CABIN1: variants seen among roughly 807,000 people sequenced by gnomAD.
CABIN1 encodes the protein calcineurin-binding protein cabin-1.
In CABIN1, 133 loss-of-function variants were observed where a neutral mutation model predicts 227.7. The observed-to-expected ratio is 0.58, with a 90% CI of 0.51 to 0.67. CABIN1 has a LOEUF of 0.67. CABIN1 is among the 30% of genes least tolerant of loss of function. The pLI, the probability that CABIN1 is intolerant of heterozygous loss-of-function variation, is 0.00. For missense variants in CABIN1, 2,408 were observed against 2,852.5 expected (o/e 0.84, Z 3.55); for synonymous variants, 1,086 against 1,155.1 (o/e 0.94, Z 1.21).
chr22:24,070,258 A>G (rs2039991854), intron 16 of CABIN1, among the ~76,000 whole-genome samples: 3 of 152,236 alleles, frequency 2.0e-5, no homozygotes, highest in Admixed American at 1.3e-4. Context: ...CTGAGGCTCA[A>G]ATGGCTTACA....
chr22:24,165,478 TGTG>T, intron 30 of CABIN1, 49 bp from the exon 31 acceptor site: 1 of 1,473,630 alleles, frequency 6.8e-7, no homozygotes, highest in Non-Finnish European at 9.4e-7. Context: ...AGCAGTGCCA[TGTG>T]GTGTCAGATG....
At chr22:24,134,557 C>T (rs566735744) in intron 29 of CABIN1, 142 bp downstream of exon 29, 7 of 703,416 alleles carry the variant, frequency 1.0e-5, no homozygotes, top group East Asian at 5.6e-5. Context: ...GTGGTACAGT[C>T]GAGAGTGAGC....
intron 15 of CABIN1, among the ~76,000 whole-genome samples, chr22:24,065,255 G>A (rs1439504421): frequency 2.0e-5 from 3 of 151,476 alleles, no homozygotes; most frequent in Non-Finnish European, 2.9e-5. Flanking sequence ...CAGACGGGGC[G>A]GCTGCCAGGC....
At chr22:24,036,797 T>C (rs2036930142) in intron 3 of CABIN1, among the ~76,000 whole-genome samples, 1 of 152,060 alleles carries the variant, frequency 6.6e-6, no homozygotes, top group Non-Finnish European at 1.5e-5. Context: ...CATTTTATGG[T>C]AGAAATCAGG....
At chr22:24,066,723 T>A (rs1025234906) in intron 15 of CABIN1, among the ~76,000 whole-genome samples, 1 of 152,232 alleles carries the variant, frequency 6.6e-6, no homozygotes, top group Non-Finnish European at 1.5e-5. Context: ...TTCCTGGAAC[T>A]CCTCTGCTTC....
intron 27 of CABIN1, among the ~76,000 whole-genome samples, chr22:24,114,334 C>T (rs1190592670): frequency 1.3e-5 from 2 of 152,130 alleles, no homozygotes; most frequent in African/African-American, 4.8e-5. Flanking sequence ...TGGGGCTTTC[C>T]TGGCCCCACT....
intron 26 of CABIN1, 183 bp downstream of exon 26, chr22:24,098,375 C>A: frequency 7.4e-7 from 1 of 1,343,914 alleles, no homozygotes; most frequent in African/African-American, 1.4e-5. Context: ...GCTTCCGAGA[C>A]ATGCTCAGGG....
intron 6 of CABIN1, among the ~76,000 whole-genome samples, chr22:24,046,486 A>G (rs966861276): frequency 6.6e-6 from 1 of 152,028 alleles, no homozygotes; most frequent in African/African-American, 2.4e-5. Context: ...CTCCTCCCAC[A>G]GTTTGGGACC....
Position 24,177,945 on chromosome 22 carries a change from C to A in CABIN1, c.6520-108C>A. ...GTGAGGATGGCATAGGGGCCTGGGG[C>A]AGGGGTGAGGGTGGGAGGGGGGCCT... is the stretch of plus-strand genomic sequence containing the variant. On this transcript the variant is annotated intron_variant, in intron 36 of 36. Coordinates refer to ENST00000263119, the MANE Select transcript of CABIN1 (RefSeq NM_012295.4). This position sits in a 1 kb window ranked among gnomAD's most constrained non-coding sequence, Gnocchi z 4.4. 1 of 1,169,910 alleles carries A rather than the reference C, an allele frequency of 8.5e-7. No homozygotes were observed. The highest frequency in any genetic ancestry group is 1.1e-6 in the Non-Finnish European group (1 of 880,938). The allele number at this position is 1,169,910 out of a possible 1,614,324, so 72.5% of individuals were successfully genotyped here. A position where few individuals can be genotyped will look rare whatever the true frequency, so the allele number is the denominator to read the frequency against.
intron 5 of CABIN1, 96 bp downstream of exon 5, chr22:24,041,369 T>A: frequency 6.7e-7 from 1 of 1,485,466 alleles, no homozygotes; most frequent in Non-Finnish European, 9.3e-7. Context: ...GAAGAGTTTG[T>A]AGTGGTGGAT....
At chr22:24,062,607 C>T (rs1199235726) in intron 13 of CABIN1, among the ~76,000 whole-genome samples, 1 of 152,114 alleles carries the variant, frequency 6.6e-6, no homozygotes, top group Non-Finnish European at 1.5e-5. Flanking sequence ...AATCCGCCCA[C>T]CTCAGCCTCC....
At chr22:24,100,324 A>G (rs995922784) in intron 26 of CABIN1, among the ~76,000 whole-genome samples, 8 of 152,230 alleles carry the variant, frequency 5.3e-5, no homozygotes, top group African/African-American at 1.9e-4. Flanking sequence ...TGTCTGCAAC[A>G]TGAAAATGTT....
intron 27 of CABIN1, among the ~76,000 whole-genome samples, chr22:24,115,918 CAGGTCCAG>C (rs1049010605): frequency 6.6e-6 from 1 of 152,204 alleles, no homozygotes; most frequent in African/African-American, 2.4e-5. Flanking sequence ...CAGGGCACAA[CAGGTCCAG>C]ATCTGCACCA....
chr22:24,012,068 A>G (rs1208998936), intron 1 of CABIN1, among the ~76,000 whole-genome samples: 1 of 152,228 alleles, frequency 6.6e-6, no homozygotes, highest in Non-Finnish European at 1.5e-5. Flanking sequence ...AGTCTCGTTC[A>G]GCGGTCGGCA....
chr22:24,147,502 G>T (rs921470106), intron 29 of CABIN1, among the ~76,000 whole-genome samples: 2 of 149,748 alleles, frequency 1.3e-5, no homozygotes, highest in African/African-American at 4.9e-5. Flanking sequence ...CTGAAGTGCA[G>T]TGGCTTGCGT....
intron 15 of CABIN1, among the ~76,000 whole-genome samples, chr22:24,066,691 T>G (rs1423464555): frequency 1.3e-5 from 2 of 152,264 alleles, no homozygotes; most frequent in East Asian, 3.8e-4. Context: ...CACAAGGCTG[T>G]CCAGCTATCT....
rs779127239 is a variant in CABIN1, at chr22:24,085,109, C to T, written c.3221C>T (p.Ala1074Val). Residue 1074 changes from alanine to valine, a missense_variant, in exon 22 of 37, where the codon GCC becomes GTC. Ala to Val is a moderately conservative substitution (Grantham distance 64). This residue lies in a region of CABIN1 where 649 missense variants were observed against 910.3 expected (regional missense o/e 0.71). Coordinates refer to ENST00000263119, the MANE Select transcript of CABIN1 (RefSeq NM_012295.4). ...TTCAAAAACAAGGAGCAGTCCAAGG[C>T]CATCAAGTTCTACATGCATGACATC... ...YHFKNKEQSKAIKFYMHDICI... is the reference protein window; with the variant it reads ...YHFKNKEQSKVIKFYMHDICI... 2.8e-5 allele frequency: 46 copies of T among 1,614,094 alleles called. No homozygotes were observed. The highest frequency in any genetic ancestry group is 3.6e-5 in the Non-Finnish European group (43 of 1,180,036).
chr22:24,018,029 AT>A (rs1235604955), intron 1 of CABIN1, among the ~76,000 whole-genome samples: 1 of 151,760 alleles, frequency 6.6e-6, no homozygotes. Context: ...TAATTTTTAA[AT>A]TTTTTGTAGA....
At chr22:24,092,175 T>C (rs1329977561) in intron 24 of CABIN1, among the ~76,000 whole-genome samples, 1 of 152,154 alleles carries the variant, frequency 6.6e-6, no homozygotes, top group Admixed American at 6.5e-5. Context: ...ATTCACACCC[T>C]GTAGCCTGGC....
Sources: allele counts gnomAD v4.1 joint callset (sites outside exome capture counted in the v4.1 genomes callset), GRCh38; gene constraint gnomAD v4.1.1; regional missense constraint gnomAD v4.1.1; non-coding constraint Gnocchi (gnomAD v3.1); transcripts MANE v1.5; gene names NCBI Gene and HGNC (gene_info 2026-07-23, HGNC 2026-07-21).